The following OSBPL11 variants were observed in gnomAD, a reference collection of about 807,000 sequenced individuals.
OSBPL11 encodes the protein oxysterol-binding protein-related protein 11.
A neutral mutation model predicts 84.4 loss-of-function variants in OSBPL11; 33 were observed. That is an observed-to-expected ratio of 0.39 (90% CI 0.30 to 0.52). The LOEUF is 0.52. OSBPL11 is among the 20% of genes least tolerant of loss of function. OSBPL11 has a pLI of 0.72. For missense variants in OSBPL11, 736 were observed against 901.1 expected, an observed-to-expected ratio of 0.82 and a Z score of 2.35; for synonymous variants, 276 against 310.2, an observed-to-expected ratio of 0.89 and a Z score of 1.16.
At chr3:125,592,276 T>A (rs1029801369) in intron 1 of OSBPL11, among the ~76,000 whole-genome samples, 39 of 152,086 alleles carry the variant, frequency 2.6e-4, no homozygotes, top group African/African-American at 9.2e-4. Flanking sequence ...TGGGCTCAAG[T>A]AATGCTCCCA....
intron 1 of OSBPL11, among the ~76,000 whole-genome samples, chr3:125,589,617 G>GAA (rs540034650): frequency 8.1e-5 from 8 of 98,508 alleles, no homozygotes; most frequent in African/African-American, 1.1e-4. Context: ...CCCTGCAGAG[G>GAA]AAAAAAAAAA....
Position 125,594,974 on chromosome 3 carries a change from G to C in OSBPL11, c.-174C>G, listed in dbSNP as rs1233940695. 3 of 647,704 alleles carry C rather than the reference G, an allele frequency of 4.6e-6. No homozygotes were observed. The highest frequency in any genetic ancestry group is 7.7e-6 in the Non-Finnish European group (3 of 388,834). 40.1% of individuals were successfully genotyped at this position (647,704 alleles called of 1,614,324 possible). A position where few individuals can be genotyped will look rare whatever the true frequency, so the allele number is the denominator to read the frequency against. The stretch of plus-strand genomic sequence containing the variant: ...GAAAAGGAAGATACACATTCCCACA[G>C]AAGTTAAACTTTTGAGAGGGCAGGG... On this transcript the variant is annotated 5_prime_UTR_variant, in exon 1 of 13. Transcript: ENST00000296220.
intron 1 of OSBPL11, 49 bp downstream of exon 1, chr3:125,594,588 T>G: frequency 5.7e-6 from 9 of 1,590,224 alleles, no homozygotes; most frequent in Non-Finnish European, 7.7e-6. Context: ...CCAGGGCATA[T>G]TCACCCCTAC....
intron 5 of OSBPL11, among the ~76,000 whole-genome samples, chr3:125,573,160 G>A (rs2107605620): frequency 6.6e-6 from 1 of 151,834 alleles, no homozygotes; most frequent in Admixed American, 6.6e-5. Flanking sequence ...AGTGATTTGT[G>A]AAACTGTTTT....
At chr3:125,539,785 T>C (rs1303039289) in intron 10 of OSBPL11, among the ~76,000 whole-genome samples, 4 of 152,156 alleles carry the variant, frequency 2.6e-5, no homozygotes, top group Non-Finnish European at 4.4e-5. Flanking sequence ...ATGTTCACTC[T>C]AGGACACAGA....
intron 4 of OSBPL11, among the ~76,000 whole-genome samples, chr3:125,577,084 T>C (rs757891841): frequency 6.6e-6 from 1 of 152,224 alleles, no homozygotes; most frequent in Non-Finnish European, 1.5e-5. Context: ...ACTTTCTCAC[T>C]GACAATGACT....
At chr3:125,570,343 AAAG>A (rs1477928820) in intron 5 of OSBPL11, among the ~76,000 whole-genome samples, 5 of 151,002 alleles carry the variant, frequency 3.3e-5, no homozygotes, top group Middle Eastern at 3.4e-3. Context: ...AAAAAAAAAA[AAAG>A]AAAGAAAGAA....
chr3:125,591,132 A>G (rs1936589366), intron 1 of OSBPL11, among the ~76,000 whole-genome samples: 1 of 152,242 alleles, frequency 6.6e-6, no homozygotes, highest in South Asian at 2.1e-4. Flanking sequence ...AGGACTGGCT[A>G]GATAAGACAC....
intron 5 of OSBPL11, among the ~76,000 whole-genome samples, chr3:125,573,633 C>A (rs549076522): frequency 3.9e-5 from 6 of 152,036 alleles, no homozygotes; most frequent in African/African-American, 1.4e-4. Flanking sequence ...GAGGCCGAGG[C>A]GGGTGGATCA....
At chr3:125,562,821 G>C (rs141012209) in intron 7 of OSBPL11, among the ~76,000 whole-genome samples, 77 of 152,256 alleles carry the variant, frequency 5.1e-4, no homozygotes, top group African/African-American at 1.7e-3. Context: ...AGCTACTAGG[G>C]AGGTTGAGGC....
At position 125,532,012 on chromosome 3, in the gene OSBPL11, C is replaced by T. The variant is rs761151032; in HGVS notation, c.2027G>A (p.Arg676Gln). The T allele has an allele frequency of 1.8e-5, 28 of 1,596,772 alleles. No homozygotes were observed. Among genetic ancestry groups the T allele is most frequent in the African/African-American group, 1.1e-4 (8 of 74,016 alleles). ...CGAGTCTGTCACATTTTTCCACAAT[C>T]GCCTGAAATCCAAAAACCACACATT... Reference protein sequence around the residue: ...LEKQDPFESRRLWKNVTDSLR... With the variant: ...LEKQDPFESRQLWKNVTDSLR... The change falls in exon 12 of 13, where the codon CGA becomes CAA. Residue 676 changes from arginine to glutamine, a missense_variant and splice_region_variant. By Grantham distance (43) the Arg-to-Gln change is conservative. Around this residue, in one of 3 missense-constraint regions of OSBPL11, gnomAD observed 579 missense variants for 717.6 expected, o/e 0.81. Coordinates refer to ENST00000296220, the MANE Select transcript of OSBPL11 (RefSeq NM_022776.5).
intron 10 of OSBPL11, among the ~76,000 whole-genome samples, chr3:125,543,383 C>T (rs1044700656): frequency 4.7e-5 from 7 of 150,128 alleles, no homozygotes; most frequent in African/African-American, 9.8e-5. Flanking sequence ...CCACTGGACT[C>T]GGCCTCCCAA....
chr3:125,580,019 T>A lies in OSBPL11; in HGVS notation c.255A>T (p.Glu85Asp). 1 of 1,608,984 alleles carries A rather than the reference T, an allele frequency of 6.2e-7. No individual in the cohort carries two copies. The highest frequency in any genetic ancestry group is 8.5e-7 in the Non-Finnish European group (1 of 1,178,812). ...WQYRFFVLNN[E>D]AGLLEYFVNE... ...TCACAAAGTACTCCAACAGCCCAGC[T>A]TCATTGTTTAAAACAAAAAACCTGT... The change falls in exon 3 of 13, where the codon GAA (glutamate) becomes GAT (aspartate). Residue 85 changes from glutamate (E) to aspartate (D), a missense_variant. Glu to Asp is a conservative substitution (Grantham distance 45). This residue lies in a region of OSBPL11 where 114 missense variants were observed against 104.9 expected (regional missense o/e 1.09). Coordinates refer to ENST00000296220, the MANE Select transcript of OSBPL11 (RefSeq NM_022776.5).
chr3:125,590,327 A>G (rs186926007), intron 1 of OSBPL11, among the ~76,000 whole-genome samples: 55 of 152,318 alleles, frequency 3.6e-4, no homozygotes, highest in African/African-American at 1.3e-3. Flanking sequence ...AAGTGGGTGG[A>G]TCACTTGAGG....
At position 125,578,950 on chromosome 3, in the gene OSBPL11, A is replaced by T. The variant is rs771629868; in HGVS notation, c.489+10T>A. The T allele has an allele frequency of 1.3e-5, 19 of 1,505,464 alleles. 1 individual carries two copies. The South Asian group carries it at 2.5e-4, about 20-fold the overall frequency. 93.3% of individuals were successfully genotyped at this position (1,505,464 alleles called of 1,614,324 possible). ...TTTTGTATATTAATATTGTATATAAATCTACATACCTTTCCAATAGCTTCA... is the reference window on the plus strand; with the variant it reads ...TTTTGTATATTAATATTGTATATAATTCTACATACCTTTCCAATAGCTTCA... On this transcript the variant is annotated intron_variant, in intron 4 of 12. Coordinates refer to ENST00000296220, the MANE Select transcript of OSBPL11 (RefSeq NM_022776.5).
chr3:125,589,349 A>T (rs1487677545), intron 1 of OSBPL11, among the ~76,000 whole-genome samples: 1 of 151,650 alleles, frequency 6.6e-6, no homozygotes, highest in Non-Finnish European at 1.5e-5. Flanking sequence ...TCTCAAAAAA[A>T]AAAAAAAAAA....
intron 10 of OSBPL11, among the ~76,000 whole-genome samples, chr3:125,545,633 CGTGT>C (rs971615663): frequency 3.7e-4 from 55 of 150,304 alleles, no homozygotes; most frequent in African/African-American, 1.0e-3. Flanking sequence ...TGTGTGTGTG[CGTGT>C]GTGTGTGTAA....
chr3:125,545,726 G>C (rs1213007344), intron 10 of OSBPL11, among the ~76,000 whole-genome samples: 1 of 152,040 alleles, frequency 6.6e-6, no homozygotes, highest in African/African-American at 2.4e-5. Flanking sequence ...TGGAAAATGG[G>C]AACAGAAGGT....
intron 1 of OSBPL11, among the ~76,000 whole-genome samples, chr3:125,586,885 T>C (rs1936520598): frequency 6.6e-6 from 1 of 152,200 alleles, no homozygotes; most frequent in Non-Finnish European, 1.5e-5. Context: ...AAGCTACCTT[T>C]TAAACAGTTT....
Sources: gnomAD v4.1 joint callset for allele counts (sites outside exome capture counted in the v4.1 genomes callset) on GRCh38, gnomAD v4.1.1 for gene constraint, gnomAD v4.1.1 regional missense constraint, MANE v1.5 for transcripts, NCBI Gene and HGNC (gene_info 2026-07-23, HGNC 2026-07-21) for gene names.